Variants in SEPTIN9 observed in about 807,000 individuals in gnomAD.
The protein encoded by SEPTIN9 is septin-9.
Under a neutral mutation model 56.6 loss-of-function variants are expected in SEPTIN9, and 13 were observed. The ratio of observed to expected loss-of-function variants is 0.23; its 90% CI spans 0.15 to 0.37. The LOEUF (loss-of-function observed/expected upper bound fraction) is 0.37, where lower values mean the gene tolerates loss of function less well. Among genes scored for constraint, SEPTIN9 ranks in the 10% least tolerant of loss-of-function variants. The probability of loss-of-function intolerance (pLI) is 1.00; values close to 1 mark genes in which losing one functional copy is unlikely to be tolerated. For missense variants in SEPTIN9, 650 were observed against 823.1 expected (o/e 0.79, Z 2.57); for synonymous variants, 332 against 334.1 (o/e 0.99, Z 0.07).
At chr17:77,285,877 C>T (rs2031253559) in intron 1 of SEPTIN9, among the ~76,000 whole-genome samples, 1 of 152,248 alleles carries the variant, frequency 6.6e-6, no homozygotes, top group South Asian at 2.1e-4. Flanking sequence ...GGGCTGCACC[C>T]TCACCCAGCG....
At chr17:77,426,743 G>A (rs1299312451) in intron 3 of SEPTIN9, among the ~76,000 whole-genome samples, 1 of 152,176 alleles carries the variant, frequency 6.6e-6, no homozygotes, top group East Asian at 1.9e-4. Flanking sequence ...GCTTTCTATG[G>A]GGCATGGATG....
chr17:77,480,293 C>T (rs1275053063), intron 3 of SEPTIN9, among the ~76,000 whole-genome samples: 1 of 152,242 alleles, frequency 6.6e-6, no homozygotes, highest in East Asian at 1.9e-4. Flanking sequence ...CCCCCAGTTT[C>T]TGGCTTCCAG....
intron 2 of SEPTIN9, among the ~76,000 whole-genome samples, chr17:77,378,133 A>T (rs987514670): frequency 6.6e-6 from 1 of 152,194 alleles, no homozygotes; most frequent in Admixed American, 6.5e-5. Context: ...GGGAAGAGGC[A>T]GGTGGAGGTA....
Position 77,482,182 on chromosome 17 carries a change from G to A in SEPTIN9, c.760G>A (p.Asp254Asn), listed in dbSNP as rs777546447. Residue 254 changes from aspartate to asparagine, a missense_variant, in exon 4 of 12, where the codon GAC becomes AAC. Around this residue, in one of 2 missense-constraint regions of SEPTIN9, gnomAD observed 333 missense variants for 494.0 expected, o/e 0.67. Transcript: ENST00000427177. ...TCCCAGCTGCGTTGGCGACATGGCC[G>A]ACACCCCCAGAGATGCCGGGCTCAA... The part of the protein sequence containing the change: ...AAPSCVGDMA[D>N]TPRDAGLKQA... 45 of 1,604,500 alleles carry A rather than the reference G, an allele frequency of 2.8e-5. No individual in the cohort carries two copies. Among genetic ancestry groups the A allele is most frequent in the African/African-American group, 5.4e-5 (4 of 74,744 alleles).
intron 2 of SEPTIN9, among the ~76,000 whole-genome samples, chr17:77,365,453 TTCTC>T (rs968130323): frequency 1.3e-5 from 2 of 152,174 alleles, no homozygotes; most frequent in African/African-American, 4.8e-5. Flanking sequence ...TATCTTTTCT[TTCTC>T]TCTCTTTCCT....
In SEPTIN9 at chr17:77,309,185, C is replaced by T. The variant is rs548023738; in HGVS notation, c.76+1988C>T. ...CTTGGGAACCTGGCACCCTGGGCTG[C>T]ATGGACACAGCCTCCCCCGGCGGTT... On this transcript the variant is annotated intron_variant, in intron 2 of 11. Transcript: ENST00000427177. Among the ~76,000 whole-genome samples the T allele has an allele frequency of 6.6e-5, 10 of 152,386 alleles. No homozygotes were observed. The East Asian group carries it at 1.9e-3, about 29-fold the overall frequency.
chr17:77,495,707 G>T (rs1373826949), intron 10 of SEPTIN9, among the ~76,000 whole-genome samples: 2 of 152,208 alleles, frequency 1.3e-5, no homozygotes, highest in East Asian at 3.9e-4. Context: ...TGAGAGTGCT[G>T]CTGGTCAGTC....
rs1029118749 is a variant in SEPTIN9 at position 77,450,103 on chromosome 17, C to G, written c.722-32041C>G. Among the ~76,000 whole-genome samples, 6 of 152,166 alleles carry G rather than the reference C, an allele frequency of 3.9e-5. No individual in the cohort carries two copies. Among genetic ancestry groups the G allele is most frequent in the Non-Finnish European group, 7.3e-5 (5 of 68,030 alleles). ...ACCAGTAGCAGCAGCTCCCCACGGC[C>G]GTTCACTGTGAGGGTGGGGAGGGCC... On this transcript the variant is annotated intron_variant, in intron 3 of 11. Transcript: ENST00000427177. This position sits in a 1 kb window ranked among gnomAD's most constrained non-coding sequence, Gnocchi z 6.0.
intron 2 of SEPTIN9, among the ~76,000 whole-genome samples, chr17:77,356,579 G>A (rs934285256): frequency 6.7e-6 from 1 of 149,062 alleles, no homozygotes; most frequent in Non-Finnish European, 1.5e-5. Flanking sequence ...TGGACACAGA[G>A]TCCACCCCCA....
At chr17:77,481,815 T>G in intron 3 of SEPTIN9, 1 of 368,204 alleles carries the variant, frequency 2.7e-6, no homozygotes, top group East Asian at 5.3e-5. Context: ...GAGACAGGAG[T>G]TCAGGGTCAG....
chr17:77,372,708 C>T lies in SEPTIN9; in HGVS notation c.77-29351C>T, dbSNP rs188443976. 3.3e-4 allele frequency among the ~76,000 whole-genome samples: 50 copies of T among 152,230 alleles called. No individual in the cohort carries two copies. In the East Asian group the frequency reaches 8.3e-3, roughly 25 times the overall value. The stretch of plus-strand genomic sequence containing the variant: ...CCAGGGCTCACCCAGGAGGGTGCAG[C>T]GGTGGCCCCCGGGGCGGTGGTCGTG... On this transcript the variant is annotated intron_variant, in intron 2 of 11. Coordinates refer to ENST00000427177, the MANE Select transcript of SEPTIN9 (RefSeq NM_001113491.2).
chr17:77,463,545 A>G (rs2038577830), intron 3 of SEPTIN9, among the ~76,000 whole-genome samples: 1 of 152,196 alleles, frequency 6.6e-6, no homozygotes, highest in South Asian at 2.1e-4. Context: ...TCCTTTAAAA[A>G]AAAATGGTAA....
intron 2 of SEPTIN9, among the ~76,000 whole-genome samples, chr17:77,335,557 G>A (rs2033518655): frequency 6.7e-6 from 1 of 150,206 alleles, no homozygotes; most frequent in South Asian, 2.1e-4. Context: ...TAGGCCCTAT[G>A]TTGACTGTAT....
chr17:77,384,569 CA>C (rs1305386514), intron 2 of SEPTIN9, among the ~76,000 whole-genome samples: 1 of 152,028 alleles, frequency 6.6e-6, no homozygotes, highest in Non-Finnish European at 1.5e-5. Flanking sequence ...CAGAGGTTCA[CA>C]CCTGCAGCGC....
chr17:77,396,055 C>A (rs1217743482), intron 2 of SEPTIN9, among the ~76,000 whole-genome samples: 3 of 152,130 alleles, frequency 2.0e-5, no homozygotes, highest in African/African-American at 4.8e-5. Context: ...CTTTTGGGAG[C>A]TTGCGAGATT....
chr17:77,399,823 A>C (rs1026582739), intron 2 of SEPTIN9, among the ~76,000 whole-genome samples: 10 of 152,072 alleles, frequency 6.6e-5, no homozygotes, highest in Non-Finnish European at 1.2e-4. Context: ...ACAGAGGGAC[A>C]CCATGTCGGG....
At chr17:77,464,065 T>A (rs1365021395) in intron 3 of SEPTIN9, among the ~76,000 whole-genome samples, 1 of 126,990 alleles carries the variant, frequency 7.9e-6, no homozygotes, top group Non-Finnish European at 1.5e-5. Context: ...TTTAAAAAAT[T>A]TTTTTTCTTT....
chr17:77,475,355 A>G lies in SEPTIN9; in HGVS notation c.722-6789A>G. On this transcript the variant is annotated intron_variant, in intron 3 of 11. Coordinates refer to ENST00000427177, the MANE Select transcript of SEPTIN9 (RefSeq NM_001113491.2). The surrounding 1 kb of genome is among the most constrained non-coding windows in gnomAD (Gnocchi z 4.6). ...TTCCCCAGGATTCAGCAGGGATCTG[A>G]AGGACTTTGCAGGCACCCAGGGAGA... 7.0e-7 allele frequency: 1 copy of G among 1,435,090 alleles called. No homozygotes were observed. The highest frequency in any genetic ancestry group is 2.5e-5 in the East Asian group (1 of 40,042). The allele number at this position is 1,435,090 out of a possible 1,614,324, so 88.9% of individuals were successfully genotyped here.
intron 3 of SEPTIN9, among the ~76,000 whole-genome samples, chr17:77,467,740 C>T (rs527631038): frequency 1.3e-5 from 2 of 152,236 alleles, no homozygotes; most frequent in Admixed American, 6.5e-5. Flanking sequence ...CTCTGGCCAG[C>T]GCGGCCGGCA....
Sources: allele counts gnomAD v4.1 joint callset (sites outside exome capture counted in the v4.1 genomes callset), GRCh38; gene constraint gnomAD v4.1.1; regional missense constraint gnomAD v4.1.1; non-coding constraint Gnocchi (gnomAD v3.1); transcripts MANE v1.5; gene names NCBI Gene and HGNC (gene_info 2026-07-23, HGNC 2026-07-21).